The following RSRP1 variants were observed in gnomAD, a reference collection of about 807,000 sequenced individuals.
RSRP1 encodes the protein arginine/serine-rich protein 1.
In RSRP1, 37 loss-of-function variants were observed where a neutral mutation model predicts 33.0. The observed-to-expected ratio is 1.12, with a 90% confidence interval of 0.86 to 1.48. The LOEUF is 1.48. Among genes scored for constraint, RSRP1 ranks in the 40% most tolerant of loss-of-function variants. The pLI is 0.00. For missense variants in RSRP1, 402 were observed against 385.3 expected, an observed-to-expected ratio of 1.04 and a Z score of -0.36; for synonymous variants, 167 against 158.7, an observed-to-expected ratio of 1.05 and a Z score of -0.40.
Position 25,242,663 on chromosome 1 carries a change from T to C in RSRP1, c.799A>G (p.Thr267Ala). 6.2e-7 allele frequency: 1 copy of C among 1,611,790 alleles called. No individual in the cohort carries two copies. Among genetic ancestry groups the C allele is most frequent in the Non-Finnish European group, 8.5e-7 (1 of 1,179,898 alleles). ...GGTGATCTTGAAGATGCCTCTTCTGTGGCAGCTTTAGCTGATTTTTGTATT... is the reference window on the plus strand; with the variant it reads ...GGTGATCTTGAAGATGCCTCTTCTGCGGCAGCTTTAGCTGATTTTTGTATT... The part of the protein sequence containing the change: ...KPIQKSAKAA[T>A]EEASSRSPKI... The change falls in exon 5 of 5, where the codon ACA becomes GCA. Residue 267 changes from threonine (T) to alanine (A), a missense_variant. Coordinates refer to ENST00000243189, the MANE Select transcript of RSRP1 (RefSeq NM_020317.5).
intron 1 of RSRP1, among the ~76,000 whole-genome samples, chr1:25,258,625 T>C (rs1362281317): frequency 1.3e-5 from 2 of 152,226 alleles, no homozygotes; most frequent in Non-Finnish European, 2.9e-5. Context: ...ATTCTCTCAG[T>C]AGGTTCAAAA....
intron 1 of RSRP1, among the ~76,000 whole-genome samples, chr1:25,277,334 G>A (rs1488443778): frequency 1.5e-5 from 2 of 130,398 alleles, no homozygotes; most frequent in Admixed American, 7.4e-5. Flanking sequence ...GTTTCTCAAA[G>A]TGTGGTCCCC....
chr1:25,262,622 A>C (rs1640194761), intron 1 of RSRP1, among the ~76,000 whole-genome samples: 1 of 152,180 alleles, frequency 6.6e-6, no homozygotes, highest in Non-Finnish European at 1.5e-5. Flanking sequence ...GGCTCAGTCC[A>C]AGTCCCAAAG....
At chr1:25,271,601 G>A (rs1420797051) in intron 1 of RSRP1, among the ~76,000 whole-genome samples, 2 of 130,536 alleles carry the variant, frequency 1.5e-5, no homozygotes, top group East Asian at 2.0e-4. Context: ...TTCCTTCCTC[G>A]ACACTTACCA....
intron 1 of RSRP1, among the ~76,000 whole-genome samples, chr1:25,322,763 C>T (rs1471645904): frequency 1.7e-5 from 2 of 120,160 alleles, no homozygotes; most frequent in African/African-American, 5.6e-5. Context: ...ATTCAGGAGT[C>T]CTTTATTAGC....
chr1:25,259,253 G>C (rs1426824378), intron 1 of RSRP1, among the ~76,000 whole-genome samples: 1 of 151,538 alleles, frequency 6.6e-6, no homozygotes, highest in Non-Finnish European at 1.5e-5. Flanking sequence ...CACCACATCT[G>C]GCTAATTTTT....
In RSRP1 at chr1:25,318,949, T is replaced by G. The variant is rs1444924241; in HGVS notation, c.-67+19029A>C. Among the ~76,000 whole-genome samples, 8 of 133,360 alleles carry G rather than the reference T, an allele frequency of 6.0e-5. 2 individuals carry two copies. The highest frequency in any genetic ancestry group is 2.0e-4 in the African/African-American group (8 of 39,242). The allele number at this position is 133,360 out of a possible 152,430, so 87.5% of individuals were successfully genotyped here. A position where few individuals can be genotyped will look rare whatever the true frequency, so the allele number is the denominator to read the frequency against. ...CTGGCCTTAGCTTTTTGCAGAGTCT[T>G]TGTGAAGAAGCAGAGGCGGAGTAGC... On this transcript the variant is annotated intron_variant, in intron 1 of 1. Transcript: ENST00000561867.
At position 25,299,940 on chromosome 1, in the gene RSRP1, G is replaced by A. The variant is rs569192651; in HGVS notation, c.-67+38038C>T. On this transcript the variant is annotated intron_variant, in intron 1 of 1. Coordinates refer to the RSRP1 transcript ENST00000561867. ...AATTTTTGTATTTTTAGTAGAGACA[G>A]GGTTTTGCCATGTTGGCCAGGCTGG... Among the ~76,000 whole-genome samples the A allele has an allele frequency of 2.1e-3, 279 of 130,692 alleles. 38 individuals carry two copies. The highest frequency in any genetic ancestry group is 6.9e-3 in the African/African-American group (262 of 38,036). The allele number at this position is 130,692 out of a possible 152,430, so 85.7% of individuals were successfully genotyped here.
intron 1 of RSRP1, 140 bp from the exon 2 acceptor site, chr1:25,247,169 A>C: frequency 3.9e-6 from 2 of 513,962 alleles, no homozygotes; most frequent in Non-Finnish European, 6.6e-6. Flanking sequence ...AGCCCTAGAA[A>C]CCCCGCTCGG....
At chr1:25,329,368 C>CA in intron 1 of RSRP1, 1 of 326,548 alleles carries the variant, frequency 3.1e-6, no homozygotes, top group Non-Finnish European at 6.2e-6. Context: ...CCTCAGCCTC[C>CA]AAAGTAGCTG....
intron 1 of RSRP1, among the ~76,000 whole-genome samples, chr1:25,271,335 C>T (rs1640503344): frequency 1.5e-5 from 2 of 130,070 alleles, no homozygotes; most frequent in African/African-American, 5.3e-5. Context: ...CAAGACATTT[C>T]TGCATTCCTC....
chr1:25,250,332 C>T (rs561893250), upstream of RSRP1, among the ~76,000 whole-genome samples: 1 of 152,172 alleles, frequency 6.6e-6, no homozygotes, highest in East Asian at 1.9e-4. Context: ...TCAGCTTGCA[C>T]TAGTTACTCC....
At chr1:25,286,148 T>G (rs1641966627) in intron 1 of RSRP1, among the ~76,000 whole-genome samples, 1 of 135,146 alleles carries the variant, frequency 7.4e-6, no homozygotes, top group Non-Finnish European at 1.8e-5. Context: ...TCTAGCCAGC[T>G]CCCGATTGGC....
rs373522246 is a variant in RSRP1 at position 25,331,380 on chromosome 1, T to C, written c.-67+6598A>G. Reference sequence around the variant, plus strand: ...CACCTATTTCCAAATATAGTCACTTTAGGGGTTAGGGCTTCAAAAGATGAA... The same window carrying C: ...CACCTATTTCCAAATATAGTCACTTCAGGGGTTAGGGCTTCAAAAGATGAA... On this transcript the variant is annotated intron_variant, in intron 1 of 1. Transcript: ENST00000561867. Among the ~76,000 whole-genome samples, 30 of 131,422 alleles carry C rather than the reference T, an allele frequency of 2.3e-4. 2 individuals are homozygous for C. In the East Asian group the frequency reaches 3.0e-3, roughly 13 times the overall value. 86.2% of individuals were successfully genotyped at this position (131,422 alleles called of 152,430 possible).
chr1:25,245,079 A>G, intron 3 of RSRP1, 71 bp downstream of exon 3: 2 of 1,613,268 alleles, frequency 1.2e-6, no homozygotes, highest in South Asian at 1.1e-5. Context: ...ATAGTCTAAG[A>G]TATAAGTGGC....
rs184523691 is a variant in RSRP1, at chr1:25,274,442, C to T, written c.-66-27413G>A. On this transcript the variant is annotated intron_variant, in intron 1 of 1. Coordinates refer to the RSRP1 transcript ENST00000561867. ...TTGACTCTAGGGTCCATGTTCTTTA[C>T]CCCTGCACCGTGCTACTAACGTAGG... Among the ~76,000 whole-genome samples, 22 of 132,386 alleles carry T rather than the reference C, an allele frequency of 1.7e-4. 2 individuals are homozygous for T. The East Asian group carries it at 4.3e-3, about 26-fold the overall frequency. 86.9% of individuals were successfully genotyped at this position (132,386 alleles called of 152,430 possible).
upstream of RSRP1, among the ~76,000 whole-genome samples, chr1:25,248,613 A>G (rs1639662498): frequency 6.6e-6 from 1 of 152,098 alleles, no homozygotes; most frequent in African/African-American, 2.4e-5. Flanking sequence ...CCCAGCCTAT[A>G]CACTTCTTTA....
At chr1:25,336,576 CA>C (rs2124217404) in intron 1 of RSRP1, 1 of 148,200 alleles carries the variant, frequency 6.7e-6, no homozygotes, top group East Asian at 1.9e-4. Flanking sequence ...AAATATTTGA[CA>C]ATCATGTTAA....
chr1:25,263,223 G>A (rs576153262), intron 1 of RSRP1, among the ~76,000 whole-genome samples: 7 of 151,946 alleles, frequency 4.6e-5, no homozygotes, highest in East Asian at 1.9e-4. Flanking sequence ...AGGGAGAGAC[G>A]GATAAGTGAT....
Sources: gnomAD v4.1 joint callset for allele counts (sites outside exome capture counted in the v4.1 genomes callset) on GRCh38, gnomAD v4.1.1 for gene constraint, MANE v1.5 for transcripts, NCBI Gene and HGNC (gene_info 2026-07-23, HGNC 2026-07-21) for gene names.